Variants in MCPH1 observed in about 807,000 individuals in gnomAD.
MCPH1 encodes microcephalin 1, also known as microcephalin.
Under a neutral mutation model 84.5 loss-of-function variants are expected in MCPH1, and 104 were observed. The observed-to-expected ratio is 1.23, with a 90% CI of 1.05 to 1.45. The LOEUF (loss-of-function observed/expected upper bound fraction) is 1.45. Ranked by LOEUF, MCPH1 falls within the 40% of genes most tolerant of loss-of-function variation. The probability of loss-of-function intolerance (pLI) is 0.00; values close to 1 mark genes in which losing one functional copy is unlikely to be tolerated. For synonymous variants in MCPH1, 514 were observed against 366.8 expected (o/e 1.40, Z -4.58); for missense variants, 1,498 against 1,005.7 (o/e 1.49, Z -6.62).
At chr8:6,502,138 T>C (rs1469479894) in intron 12 of MCPH1, 1 of 152,154 alleles carries the variant, frequency 6.6e-6, no homozygotes, top group African/African-American at 2.4e-5. Flanking sequence ...TGTTTTAGAA[T>C]AGTGAGAAGA....
At chr8:6,482,343 A>G (rs73661778) in intron 11 of MCPH1, among the ~76,000 whole-genome samples, 1,775 of 152,346 alleles carry the variant, frequency 0.012, 36 homozygotes, top group African/African-American at 0.041. Flanking sequence ...AAAACTGTGC[A>G]TACTATATAT....
intron 9 of MCPH1, 164 bp from the exon 10 acceptor site, chr8:6,477,430 T>G: frequency 1.6e-6 from 1 of 622,120 alleles, no homozygotes; most frequent in South Asian, 2.0e-5. Flanking sequence ...TCTCTTGGCC[T>G]GTTTTTTCCA....
intron 12 of MCPH1, among the ~76,000 whole-genome samples, chr8:6,600,587 T>C (rs1252222240): frequency 6.6e-6 from 1 of 152,230 alleles, no homozygotes; most frequent in Non-Finnish European, 1.5e-5. Context: ...CACATCTTCC[T>C]AGGTGGGGCA....
chr8:6,499,383 C>G (rs796808506), intron 11 of MCPH1, among the ~76,000 whole-genome samples: 2 of 152,202 alleles, frequency 1.3e-5, no homozygotes, highest in African/African-American at 4.8e-5. Context: ...CTGGGGACTT[C>G]TGAAAATATT....
Position 6,456,090 on chromosome 8 carries a change from T to C in MCPH1, c.1935+838T>C, listed in dbSNP as rs2922823. ...TAAAAGACATTTAAAATTACACAGA[T>C]TTCATGAAAGTTGGCAGTAACTTGT... is the stretch of plus-strand genomic sequence containing the variant. On this transcript the variant is annotated intron_variant, in intron 9 of 13. Coordinates refer to ENST00000344683, the MANE Select transcript of MCPH1 (RefSeq NM_024596.5). Among the ~76,000 whole-genome samples the C allele has an allele frequency of 7.2e-5, 11 of 152,134 alleles. No homozygotes were observed. The East Asian group carries it at 1.5e-3, about 21-fold the overall frequency.
intron 12 of MCPH1, among the ~76,000 whole-genome samples, chr8:6,605,046 C>G (rs1409331670): frequency 1.3e-5 from 2 of 152,106 alleles, no homozygotes; most frequent in Non-Finnish European, 2.9e-5. Flanking sequence ...GTCACCCCGA[C>G]AGGACCCTAT....
chr8:6,507,633 G>A (rs1309886664), intron 12 of MCPH1: 1 of 139,950 alleles, frequency 7.1e-6, no homozygotes, highest in Non-Finnish European at 1.5e-5. Flanking sequence ...CTGGAGTGCA[G>A]TGGCACGATC....
intron 12 of MCPH1, chr8:6,621,024 G>A (rs1297186946): frequency 4.0e-6 from 1 of 252,092 alleles, no homozygotes; most frequent in African/African-American, 2.3e-5. Context: ...CCAACAGCCT[G>A]GAGCGCGCTG....
intron 4 of MCPH1, among the ~76,000 whole-genome samples, chr8:6,435,612 C>T (rs892108077): frequency 4.6e-5 from 7 of 151,990 alleles, no homozygotes; most frequent in East Asian, 1.9e-4. Flanking sequence ...AGGTTCTGCC[C>T]GTGGTTACAT....
At chr8:6,566,662 C>T (rs550035877) in intron 12 of MCPH1, among the ~76,000 whole-genome samples, 124 of 151,340 alleles carry the variant, frequency 8.2e-4, no homozygotes, top group African/African-American at 2.3e-3. Flanking sequence ...GGTGCGGTGA[C>T]CCTGTGTGAT....
At chr8:6,470,872 C>G (rs2440397) in intron 9 of MCPH1, among the ~76,000 whole-genome samples, 120,359 of 152,206 alleles carry the variant, frequency 0.79, 48,253 homozygotes, top group Admixed American at 0.85. Flanking sequence ...AGTAGTGTTG[C>G]TGCTGTAAGA....
chr8:6,530,344 C>A (rs1383886304), intron 12 of MCPH1, among the ~76,000 whole-genome samples: 2 of 152,000 alleles, frequency 1.3e-5, no homozygotes, highest in Non-Finnish European at 2.9e-5. Context: ...CCTGTCTCTA[C>A]TAAAAATACA....
chr8:6,516,408 A>G (rs1816280206), intron 12 of MCPH1, among the ~76,000 whole-genome samples: 1 of 152,204 alleles, frequency 6.6e-6, no homozygotes, highest in East Asian at 1.9e-4. Context: ...AGTGATATAT[A>G]GGATTTGAAT....
chr8:6,480,570 C>T, intron 10 of MCPH1, 144 bp from the exon 11 acceptor site: 1 of 781,726 alleles, frequency 1.3e-6, no homozygotes, highest in South Asian at 1.4e-5. Context: ...GATTATAAGT[C>T]AGTTAAGATA....
chr8:6,440,118 A>G (rs1306978482), intron 6 of MCPH1, among the ~76,000 whole-genome samples: 1 of 152,182 alleles, frequency 6.6e-6, no homozygotes, highest in Non-Finnish European at 1.5e-5. Context: ...TTTTTGTTTT[A>G]AGATGCTCAA....
intron 3 of MCPH1, among the ~76,000 whole-genome samples, chr8:6,431,008 G>A (rs1801756256): frequency 6.6e-6 from 1 of 152,200 alleles, no homozygotes; most frequent in South Asian, 2.1e-4. Context: ...GCAATGCGGA[G>A]CATTGGTTGC....
chr8:6,546,738 G>T (rs1013553128), intron 12 of MCPH1, among the ~76,000 whole-genome samples: 1 of 152,176 alleles, frequency 6.6e-6, no homozygotes, highest in Non-Finnish European at 1.5e-5. Context: ...CTAGAAGCTT[G>T]CACTTGGTAG....
intron 13 of MCPH1, among the ~76,000 whole-genome samples, chr8:6,627,917 A>C (rs1369013939): frequency 1.3e-5 from 2 of 151,882 alleles, no homozygotes; most frequent in African/African-American, 4.8e-5. Flanking sequence ...TTATATATAT[A>C]TATTTATATA....
chr8:6,443,339 A>G (rs1305065921), intron 7 of MCPH1, among the ~76,000 whole-genome samples: 1 of 152,250 alleles, frequency 6.6e-6, no homozygotes, highest in East Asian at 1.9e-4. Context: ...TGAATAAGAT[A>G]TATTGAGCAT....
Sources: allele counts gnomAD v4.1 joint callset (sites outside exome capture counted in the v4.1 genomes callset), GRCh38; gene constraint gnomAD v4.1.1; transcripts MANE v1.5; gene names NCBI Gene and HGNC (gene_info 2026-07-23, HGNC 2026-07-21).